Variants in ZNF385D observed in about 807,000 individuals in gnomAD.
ZNF385D encodes the protein zinc finger protein 385D.
A neutral mutation model predicts 35.8 loss-of-function variants in ZNF385D; 15 were observed. The ratio of observed to expected loss-of-function variants is 0.42; its 90% CI spans 0.28 to 0.64. ZNF385D has a LOEUF of 0.64. Among genes scored for constraint, ZNF385D ranks in the 30% least tolerant of loss-of-function variants. The pLI is 0.23. For missense variants in ZNF385D, 474 were observed against 494.6 expected, an observed-to-expected ratio of 0.96 and a Z score of 0.39; for synonymous variants, 212 against 186.8, an observed-to-expected ratio of 1.13 and a Z score of -1.10.
intron 3 of ZNF385D, among the ~76,000 whole-genome samples, chr3:22,101,723 C>T (rs1002050854): frequency 3.9e-5 from 6 of 151,940 alleles, no homozygotes; most frequent in African/African-American, 1.4e-4. Flanking sequence ...AAAAATAAAA[C>T]CAAGTCAGCA....
At chr3:21,990,673 C>T (rs1300378967) in intron 3 of ZNF385D, among the ~76,000 whole-genome samples, 1 of 152,192 alleles carries the variant, frequency 6.6e-6, no homozygotes, top group African/African-American at 2.4e-5. Flanking sequence ...TCAATTAACT[C>T]TAATTTAGTT....
At chr3:22,277,496 A>G (rs752713618) in intron 2 of ZNF385D, among the ~76,000 whole-genome samples, 3 of 152,136 alleles carry the variant, frequency 2.0e-5, no homozygotes, top group Admixed American at 6.6e-5. Flanking sequence ...AAAAGTACCA[A>G]AAGCCCAAAT....
At chr3:21,432,363 T>G (rs1230613573) in intron 5 of ZNF385D, among the ~76,000 whole-genome samples, 1 of 152,182 alleles carries the variant, frequency 6.6e-6, no homozygotes, top group Non-Finnish European at 1.5e-5. Context: ...TTGATAACTA[T>G]CTTTTCTGCA....
At chr3:22,265,282 A>T (rs530717272) in intron 2 of ZNF385D, among the ~76,000 whole-genome samples, 1 of 152,124 alleles carries the variant, frequency 6.6e-6, no homozygotes, top group African/African-American at 2.4e-5. Context: ...GTGATGTTTA[A>T]GCTAAGAACA....
chr3:21,583,669 C>G (rs1382365898), intron 2 of ZNF385D, among the ~76,000 whole-genome samples: 1 of 151,632 alleles, frequency 6.6e-6, no homozygotes, highest in African/African-American at 2.4e-5. Context: ...TTTTTCCATA[C>G]TTTTCTACAT....
chr3:22,079,057 A>T (rs13100177), intron 3 of ZNF385D, among the ~76,000 whole-genome samples: 21,804 of 152,046 alleles, frequency 0.14, 1,684 homozygotes, highest in Non-Finnish European at 0.17. Flanking sequence ...AGAAGACAGA[A>T]GTGGAATCAA....
At chr3:21,537,124 CTT>C (rs35873199) in intron 3 of ZNF385D, among the ~76,000 whole-genome samples, 38 of 95,006 alleles carry the variant, frequency 4.0e-4, no homozygotes, top group Admixed American at 5.9e-4. Flanking sequence ...AAAATATCAA[CTT>C]TTTTTTTTTT....
intron 3 of ZNF385D, among the ~76,000 whole-genome samples, chr3:22,013,265 GTAA>G (rs1411766805): frequency 6.6e-6 from 1 of 151,820 alleles, no homozygotes; most frequent in Non-Finnish European, 1.5e-5. Flanking sequence ...ATTTAAAAAT[GTAA>G]TAATAGTCCA....
intron 3 of ZNF385D, among the ~76,000 whole-genome samples, chr3:21,544,269 T>A (rs569799723): frequency 2.6e-5 from 4 of 152,212 alleles, no homozygotes; most frequent in Non-Finnish European, 5.9e-5. Flanking sequence ...TGGGGACATA[T>A]GGAACTAACC....
intron 2 of ZNF385D, among the ~76,000 whole-genome samples, chr3:21,656,231 C>G (rs567320222): frequency 1.3e-5 from 2 of 152,086 alleles, no homozygotes; most frequent in East Asian, 3.9e-4. Flanking sequence ...TGTGGGTAGG[C>G]AGATCAGATG....
At chr3:22,087,391 T>A (rs1701102955) in intron 3 of ZNF385D, among the ~76,000 whole-genome samples, 1 of 152,270 alleles carries the variant, frequency 6.6e-6, no homozygotes, top group East Asian at 1.9e-4. Flanking sequence ...CTTAAAAACA[T>A]ATATGTTATG....
At chr3:21,499,991 G>A (rs1706243046) in intron 4 of ZNF385D, among the ~76,000 whole-genome samples, 1 of 152,088 alleles carries the variant, frequency 6.6e-6, no homozygotes, top group African/African-American at 2.4e-5. Flanking sequence ...ACTCAATAGA[G>A]CTTTTTAAAA....
At chr3:21,428,629 C>T (rs866227849) in intron 5 of ZNF385D, among the ~76,000 whole-genome samples, 1 of 151,996 alleles carries the variant, frequency 6.6e-6, no homozygotes, top group Admixed American at 6.6e-5. Context: ...AATGGTGACA[C>T]TTTGCGAAGA....
chr3:21,988,347 G>A (rs1188491176), intron 3 of ZNF385D, among the ~76,000 whole-genome samples: 37 of 121,034 alleles, frequency 3.1e-4, no homozygotes, highest in Admixed American at 7.7e-4. Flanking sequence ...ATGGGTTTTC[G>A]GTGTGGATGT....
chr3:21,946,913 A>G (rs1271266429), intron 3 of ZNF385D, among the ~76,000 whole-genome samples: 1 of 152,230 alleles, frequency 6.6e-6, no homozygotes, highest in Non-Finnish European at 1.5e-5. Flanking sequence ...AAGAAGCCAT[A>G]TCACATTGCA....
intron 3 of ZNF385D, among the ~76,000 whole-genome samples, chr3:21,988,453 T>A (rs1264605822): frequency 5.1e-5 from 7 of 136,290 alleles, no homozygotes; most frequent in Admixed American, 2.1e-4. Flanking sequence ...GTGCCCCTGC[T>A]GGGGGGTGCC....
chr3:22,275,610 T>G (rs1701386901), intron 2 of ZNF385D, among the ~76,000 whole-genome samples: 1 of 152,192 alleles, frequency 6.6e-6, no homozygotes, highest in Non-Finnish European at 1.5e-5. Flanking sequence ...AAAAGAATCA[T>G]ATTTCAATTT....
At chr3:21,449,092 GA>G (rs34551871) in intron 4 of ZNF385D, among the ~76,000 whole-genome samples, 97,856 of 151,532 alleles carry the variant, frequency 0.65, 31,855 homozygotes, top group African/African-American at 0.72. Flanking sequence ...ATATATTTAA[GA>G]AAAAAATGAC....
chr3:21,702,989 T>G (rs557112741), intron 1 of ZNF385D, among the ~76,000 whole-genome samples: 2 of 152,204 alleles, frequency 1.3e-5, no homozygotes, highest in African/African-American at 4.8e-5. Context: ...CCCTCTAAAC[T>G]GTTCCAACCT....
Sources: gnomAD v4.1 joint callset for allele counts (sites outside exome capture counted in the v4.1 genomes callset) on GRCh38, gnomAD v4.1.1 for gene constraint, MANE v1.5 for transcripts, NCBI Gene and HGNC (gene_info 2026-07-23, HGNC 2026-07-21) for gene names.